AGK: variants seen among roughly 807,000 people sequenced by gnomAD.
AGK encodes the protein acylglycerol kinase, mitochondrial.
In AGK, 52 loss-of-function variants were observed where a neutral mutation model predicts 66.4. The observed-to-expected ratio is 0.78, with a 90% confidence interval of 0.63 to 0.99. The LOEUF (loss-of-function observed/expected upper bound fraction) is 0.99, where lower values mean the gene tolerates loss of function less well. AGK is among the 50% of genes least tolerant of loss of function. AGK has a pLI of 0.00. For missense variants in AGK, 451 were observed against 506.6 expected (o/e 0.89, Z 1.05); for synonymous variants, 182 against 181.1 (o/e 1.00, Z -0.04).
At position 141,654,062 on chromosome 7, in the gene AGK, G is replaced by C. The variant is rs1159141689; in HGVS notation, c.*1138G>C. On this transcript the variant is annotated 3_prime_UTR_variant, in exon 16 of 16. Transcript: ENST00000649286. Reference sequence around the variant, plus strand: ...TTTCAGCCAAGAATCCTATCATAATGTAATCTATTATGCCCGACATCTTTT... The same window carrying C: ...TTTCAGCCAAGAATCCTATCATAATCTAATCTATTATGCCCGACATCTTTT... The C allele has an allele frequency of 1.1e-4, 16 of 151,914 alleles. No individual in the cohort carries two copies. Among genetic ancestry groups the C allele is most frequent in the African/African-American group, 3.9e-4 (16 of 41,338 alleles). 9.4% of individuals were successfully genotyped at this position (151,914 alleles called of 1,614,324 possible).
At chr7:141,633,172 G>A (rs1211611925) in intron 9 of AGK, among the ~76,000 whole-genome samples, 3 of 152,126 alleles carry the variant, frequency 2.0e-5, no homozygotes, top group Admixed American at 6.5e-5. Context: ...GTGCCTGTCA[G>A]TTTTCAGCTC....
chr7:141,602,500 A>G (rs909620128), intron 5 of AGK, among the ~76,000 whole-genome samples: 7 of 152,044 alleles, frequency 4.6e-5, no homozygotes, highest in Non-Finnish European at 1.0e-4. Flanking sequence ...AATATCTTCT[A>G]TTTAACTTTT....
At chr7:141,582,558 T>C (rs1303438143) in intron 2 of AGK, among the ~76,000 whole-genome samples, 1 of 152,028 alleles carries the variant, frequency 6.6e-6, no homozygotes, top group East Asian at 1.9e-4. Flanking sequence ...CCTTTCAGGA[T>C]CTAGGGCTGT....
rs376000469 is a variant in AGK at position 141,633,934 on chromosome 7, G to A, written c.622G>A (p.Gly208Ser). ...GGAACAGCCTGTATTTGCAATGACC[G>A]GCCTTCGATGGGGATCTTTCAGAGA... Reference protein sequence around the residue: ...EKEQPVFAMTGLRWGSFRDAG... With the variant: ...EKEQPVFAMTSLRWGSFRDAG... The change falls in exon 10 of 16, where the codon GGC becomes AGC. Residue 208 changes from glycine to serine, a missense_variant. By Grantham distance (56) the Gly-to-Ser change is moderately conservative. Transcript: ENST00000649286. 51 of 1,613,844 alleles carry A rather than the reference G, an allele frequency of 3.2e-5. No individual in the cohort carries two copies. In the African/African-American group the frequency reaches 5.1e-4, roughly 16 times the overall value.
At chr7:141,650,508 A>C (rs2117031435) in intron 14 of AGK, 1 of 985,480 alleles carries the variant, frequency 1.0e-6, no homozygotes, top group Non-Finnish European at 1.2e-6. Context: ...TCCTCTGGAT[A>C]TCTGAAGAGA....
At chr7:141,626,125 C>T (rs557939997) in intron 9 of AGK, among the ~76,000 whole-genome samples, 8 of 152,240 alleles carry the variant, frequency 5.3e-5, no homozygotes, top group South Asian at 2.1e-4. Flanking sequence ...GATTGGCTTT[C>T]GCAGGGCAAT....
chr7:141,574,192 G>A (rs1387672244), intron 2 of AGK, among the ~76,000 whole-genome samples: 2 of 152,138 alleles, frequency 1.3e-5, no homozygotes, highest in African/African-American at 2.4e-5. Flanking sequence ...TGGAAGAAGT[G>A]ACTGGACCAT....
chr7:141,653,930 T>G lies in AGK; in HGVS notation c.*1006T>G, dbSNP rs1387554008. 6.6e-6 allele frequency: 1 copy of G among 152,336 alleles called. No individual in the cohort carries two copies. The highest frequency in any genetic ancestry group is 6.5e-5 in the Admixed American group (1 of 15,310). The allele number at this position is 152,336 out of a possible 1,614,324, so 9.4% of individuals were successfully genotyped here. On this transcript the variant is annotated 3_prime_UTR_variant, in exon 16 of 16. Coordinates refer to ENST00000649286, the MANE Select transcript of AGK (RefSeq NM_018238.4). ...AAACATATCCAGTACAATTTAAATA[T>G]CACAACAATTTGACACCCTTCATTC...
intron 2 of AGK, among the ~76,000 whole-genome samples, chr7:141,575,837 C>T (rs111607745): frequency 0.018 from 2,746 of 152,032 alleles, 52 homozygotes; most frequent in Middle Eastern, 0.034. Flanking sequence ...ATCACAATCT[C>T]ATGTAATGAG....
At chr7:141,609,386 C>A (rs1221866765) in intron 5 of AGK, among the ~76,000 whole-genome samples, 1 of 152,178 alleles carries the variant, frequency 6.6e-6, no homozygotes, top group Non-Finnish European at 1.5e-5. Flanking sequence ...GTTCTCCCAA[C>A]CTCCCCTCAG....
intron 11 of AGK, among the ~76,000 whole-genome samples, chr7:141,637,806 G>A (rs910296489): frequency 4.6e-5 from 7 of 152,078 alleles, no homozygotes; most frequent in African/African-American, 1.7e-4. Flanking sequence ...AAAACATTTG[G>A]AAAACATAGC....
chr7:141,637,074 T>C, intron 11 of AGK, 57 bp downstream of exon 11: 2 of 1,413,034 alleles, frequency 1.4e-6, no homozygotes, highest in African/African-American at 1.4e-5. Flanking sequence ...TTCTCTGTAA[T>C]GCATATATTT....
At position 141,653,022 on chromosome 7, in the gene AGK, TC is replaced by T. The variant is rs1797603178; in HGVS notation, c.*102del. On this transcript the variant is annotated 3_prime_UTR_variant, in exon 16 of 16. Transcript: ENST00000649286. The stretch of plus-strand genomic sequence containing the variant: ...CCATCCCAACAGTGTCGTCAGAGGG[TC>T]CCCAGGGCATTTTCATGGCAAGTAC... 6.8e-7 allele frequency: 1 copy of T among 1,471,744 alleles called. No individual in the cohort carries two copies. Among genetic ancestry groups the T allele is most frequent in the Non-Finnish European group, 9.2e-7 (1 of 1,082,468 alleles). 91.2% of individuals were successfully genotyped at this position (1,471,744 alleles called of 1,614,324 possible).
chr7:141,606,441 A>AT (rs1416067554), intron 5 of AGK, among the ~76,000 whole-genome samples: 2 of 152,198 alleles, frequency 1.3e-5, no homozygotes, highest in African/African-American at 2.4e-5. Flanking sequence ...TATTGGACTC[A>AT]TTATCTTGTT....
chr7:141,562,195 G>C (rs1285330153), intron 2 of AGK: 1 of 454,456 alleles, frequency 2.2e-6, no homozygotes, highest in Non-Finnish European at 4.4e-6. Context: ...TGGTTAGCCA[G>C]GATGTTGCAG....
chr7:141,586,427 A>G (rs1795996282), intron 2 of AGK, among the ~76,000 whole-genome samples: 2 of 152,224 alleles, frequency 1.3e-5, no homozygotes, highest in Admixed American at 6.5e-5. Flanking sequence ...CTGTCTGAGC[A>G]CAGTGAGTCA....
chr7:141,650,578 A>T, intron 14 of AGK: 1 of 985,424 alleles, frequency 1.0e-6, no homozygotes, highest in South Asian at 4.7e-5. Flanking sequence ...TGTTGTTAAT[A>T]AATGATAAAT....
Position 141,651,739 on chromosome 7 carries a change from T to C in AGK, c.1131+130T>C, listed in dbSNP as rs945351409. Reference sequence around the variant, plus strand: ...GGCACATATTGTGTGCCAAGCATTTTGCCAGGCTCTGGGTCATATTAGCGG... The same window carrying C: ...GGCACATATTGTGTGCCAAGCATTTCGCCAGGCTCTGGGTCATATTAGCGG... On this transcript the variant is annotated intron_variant, in intron 15 of 15. Coordinates refer to ENST00000649286, the MANE Select transcript of AGK (RefSeq NM_018238.4). 8.3e-6 allele frequency: 7 copies of C among 839,028 alleles called. No homozygotes were observed. The African/African-American group carries it at 1.2e-4, about 14-fold the overall frequency. 52.0% of individuals were successfully genotyped at this position (839,028 alleles called of 1,614,324 possible). A position where few individuals can be genotyped will look rare whatever the true frequency, so the allele number is the denominator to read the frequency against.
At chr7:141,648,169 C>T (rs994891380) in intron 13 of AGK, among the ~76,000 whole-genome samples, 56 of 152,316 alleles carry the variant, frequency 3.7e-4, no homozygotes, top group African/African-American at 1.1e-3. Context: ...ATCAGCGCCA[C>T]CTCATGTTCC....
Sources: allele counts gnomAD v4.1 joint callset (sites outside exome capture counted in the v4.1 genomes callset), GRCh38; gene constraint gnomAD v4.1.1; transcripts MANE v1.5; gene names NCBI Gene and HGNC (gene_info 2026-07-23, HGNC 2026-07-21).